CACNA2D3: variants seen among roughly 807,000 people sequenced by gnomAD.
The protein encoded by CACNA2D3 is voltage-dependent calcium channel subunit alpha-2/delta-3.
CACNA2D3 carries 60 observed loss-of-function variants against 160.6 expected under a neutral mutation model. The ratio of observed to expected loss-of-function variants is 0.37; its 90% CI spans 0.30 to 0.46. The LOEUF (loss-of-function observed/expected upper bound fraction) is 0.46. Among genes scored for constraint, CACNA2D3 ranks in the 20% least tolerant of loss-of-function variants. CACNA2D3 has a pLI of 1.00. For missense variants in CACNA2D3, 1,205 were observed against 1,365.0 expected (o/e 0.88, Z 1.85); for synonymous variants, 558 against 492.9 (o/e 1.13, Z -1.75).
chr3:54,915,145 A>G (rs1017214944), intron 27 of CACNA2D3, among the ~76,000 whole-genome samples: 2 of 152,216 alleles, frequency 1.3e-5, no homozygotes, highest in Admixed American at 6.5e-5. Context: ...ATCCACTGGC[A>G]TTTTATAATC....
rs138847835 is a variant in CACNA2D3, at chr3:54,507,614, C to T, written c.544+3960C>T. Among the ~76,000 whole-genome samples, 479 of 152,286 alleles carry T rather than the reference C, an allele frequency of 3.1e-3. 2 individuals carry two copies. The highest frequency in any genetic ancestry group is 0.011 in the African/African-American group (451 of 41,560). ...TCATGGTTCTTATAAGCAACAGAAA[C>T]AGAACCTGGCTGATAGCAAAGAAAC... On this transcript the variant is annotated intron_variant, in intron 5 of 37. Coordinates refer to ENST00000474759, the MANE Select transcript of CACNA2D3 (RefSeq NM_018398.3).
Position 54,564,566 on chromosome 3 carries a change from T to G in CACNA2D3, c.676+1635T>G, listed in dbSNP as rs1281992941. On this transcript the variant is annotated intron_variant, in intron 6 of 37. Coordinates refer to ENST00000474759, the MANE Select transcript of CACNA2D3 (RefSeq NM_018398.3). Reference sequence around the variant, plus strand: ...GGACATGTGACTCAAAGAGTGATCATGAGCATTTTGCGAGGATGTTTTTCT... The same window carrying G: ...GGACATGTGACTCAAAGAGTGATCAGGAGCATTTTGCGAGGATGTTTTTCT... 3.3e-5 allele frequency among the ~76,000 whole-genome samples: 5 copies of G among 152,212 alleles called. No individual in the cohort carries two copies. In the East Asian group the frequency reaches 9.6e-4, roughly 29 times the overall value.
At chr3:54,977,829 G>A (rs553659921) in intron 29 of CACNA2D3, among the ~76,000 whole-genome samples, 1 of 152,286 alleles carries the variant, frequency 6.6e-6, no homozygotes, top group South Asian at 2.1e-4. Flanking sequence ...AGAGTAAACT[G>A]AAAACAAGTT....
At chr3:54,542,104 C>T (rs1330347439) in intron 5 of CACNA2D3, among the ~76,000 whole-genome samples, 1 of 151,796 alleles carries the variant, frequency 6.6e-6, no homozygotes, top group African/African-American at 2.4e-5. Flanking sequence ...ACTCTGTCTC[C>T]AGGCTGGAGT....
intron 4 of CACNA2D3, among the ~76,000 whole-genome samples, chr3:54,486,877 G>T (rs897077423): frequency 6.6e-6 from 1 of 152,164 alleles, no homozygotes; most frequent in African/African-American, 2.4e-5. Context: ...AGGGAGGAGA[G>T]ATGCTGAGCA....
intron 3 of CACNA2D3, among the ~76,000 whole-genome samples, chr3:54,353,722 G>C (rs1023976247): frequency 9.2e-5 from 14 of 152,144 alleles, no homozygotes; most frequent in Non-Finnish European, 1.6e-4. Flanking sequence ...AGGGAAGGCA[G>C]TAGATTAGGG....
intron 31 of CACNA2D3, among the ~76,000 whole-genome samples, chr3:55,003,180 A>G (rs897224105): frequency 6.6e-6 from 1 of 152,188 alleles, no homozygotes; most frequent in African/African-American, 2.4e-5. Context: ...AGAGAATTTC[A>G]TCCAGTCATG....
intron 29 of CACNA2D3, among the ~76,000 whole-genome samples, chr3:54,970,441 TCCCC>T (rs1384623821): frequency 6.4e-5 from 6 of 94,076 alleles, no homozygotes; most frequent in Non-Finnish European, 8.8e-5. Context: ...TCTCCTCCCC[TCCCC>T]TCCCCTCCTC....
At chr3:54,534,182 C>A (rs1254711476) in intron 5 of CACNA2D3, among the ~76,000 whole-genome samples, 1 of 152,178 alleles carries the variant, frequency 6.6e-6, no homozygotes, top group Non-Finnish European at 1.5e-5. Flanking sequence ...GCTTGCACCT[C>A]TGTTTCTGGA....
Position 54,906,218 on chromosome 3 carries a change from G to T in CACNA2D3, c.2449+6350G>T, listed in dbSNP as rs60099805. Reference sequence around the variant, plus strand: ...ATGAGAGACAGGAAGGGAAGGAAGGGAAGAAGTGAAAGGGAGGGAGGGAGG... The same window carrying T: ...ATGAGAGACAGGAAGGGAAGGAAGGTAAGAAGTGAAAGGGAGGGAGGGAGG... On this transcript the variant is annotated intron_variant, in intron 27 of 37. Transcript: ENST00000474759. Among the ~76,000 whole-genome samples the T allele has an allele frequency of 2.8e-3, 431 of 151,918 alleles. 2 individuals are homozygous for T. The highest frequency in any genetic ancestry group is 0.01 in the African/African-American group (416 of 41,208).
chr3:54,883,989 T>C (rs949758850), intron 21 of CACNA2D3, among the ~76,000 whole-genome samples: 1 of 152,138 alleles, frequency 6.6e-6, no homozygotes, highest in Non-Finnish European at 1.5e-5. Context: ...ATGAAGGCAG[T>C]AATTTTCGTT....
chr3:54,258,128 A>C (rs1242803546), intron 2 of CACNA2D3, among the ~76,000 whole-genome samples: 1 of 152,262 alleles, frequency 6.6e-6, no homozygotes, highest in Non-Finnish European at 1.5e-5. Context: ...AACCCTGGTT[A>C]GATGGCTATC....
At chr3:54,646,222 CCTTCCTTCCTTCCTTCCTTCCTTCCTCT>C (rs1699647855) in intron 11 of CACNA2D3, among the ~76,000 whole-genome samples, 2 of 117,120 alleles carry the variant, frequency 1.7e-5, no homozygotes, top group Non-Finnish European at 3.4e-5. Flanking sequence ...TTCCTTCCTT[CCTTCCTTCCTTCCTTCCTTCCTTCCTCT>C]CTCTCTCTCA....
chr3:54,258,380 T>C (rs1702341071), intron 2 of CACNA2D3, among the ~76,000 whole-genome samples: 1 of 152,166 alleles, frequency 6.6e-6, no homozygotes, highest in Non-Finnish European at 1.5e-5. Context: ...CCCTGAAGCT[T>C]ACCTTCTCAT....
At chr3:54,646,697 A>C (rs1235416702) in intron 11 of CACNA2D3, among the ~76,000 whole-genome samples, 1 of 152,186 alleles carries the variant, frequency 6.6e-6, no homozygotes, top group African/African-American at 2.4e-5. Context: ...TGCTATTGTA[A>C]ATAGTGCTGC....
intron 4 of CACNA2D3, among the ~76,000 whole-genome samples, chr3:54,411,199 A>G (rs1271773959): frequency 6.6e-6 from 1 of 152,220 alleles, no homozygotes; most frequent in Non-Finnish European, 1.5e-5. Context: ...TGCTGTAAAC[A>G]TTGTTGAACC....
At chr3:54,995,365 G>A (rs548968798) in intron 31 of CACNA2D3, among the ~76,000 whole-genome samples, 24 of 152,260 alleles carry the variant, frequency 1.6e-4, no homozygotes, top group Middle Eastern at 6.8e-3. Flanking sequence ...TAACAGGGAC[G>A]ACTTAAAGAA....
intron 27 of CACNA2D3, among the ~76,000 whole-genome samples, chr3:54,947,009 G>A (rs1300346599): frequency 6.6e-6 from 1 of 152,190 alleles, no homozygotes; most frequent in Non-Finnish European, 1.5e-5. Context: ...GAGAGCCTTA[G>A]ACAAGTAATT....
intron 11 of CACNA2D3, among the ~76,000 whole-genome samples, chr3:54,700,653 G>C (rs1437789407): frequency 1.3e-5 from 2 of 152,094 alleles, no homozygotes; most frequent in Non-Finnish European, 2.9e-5. Flanking sequence ...TAATTTATGA[G>C]ACTTGAATCA....
Sources: gnomAD v4.1 joint callset for allele counts (sites outside exome capture counted in the v4.1 genomes callset) on GRCh38, gnomAD v4.1.1 for gene constraint, MANE v1.5 for transcripts, NCBI Gene and HGNC (gene_info 2026-07-23, HGNC 2026-07-21) for gene names.